The following TNNI3K variants were observed in gnomAD, a reference collection of about 807,000 sequenced individuals.
TNNI3K encodes the protein TNNI3 interacting kinase.
In TNNI3K, 140 loss-of-function variants were observed where a neutral mutation model predicts 114.5. The observed-to-expected ratio is 1.22, with a 90% CI of 1.07 to 1.41. The LOEUF (loss-of-function observed/expected upper bound fraction) is 1.41. Ranked by LOEUF, TNNI3K falls within the 40% of genes most tolerant of loss-of-function variation. The pLI is 0.00. For missense variants in TNNI3K, 1,125 were observed against 1,007.6 expected (o/e 1.12, Z -1.58); for synonymous variants, 347 against 347.5 (o/e 1.00, Z 0.02).
chr1:74,465,566 C>T (rs747102071), intron 21 of TNNI3K, among the ~76,000 whole-genome samples: 6 of 152,302 alleles, frequency 3.9e-5, no homozygotes, highest in Middle Eastern at 3.4e-3. Flanking sequence ...CTGCGTGGCC[C>T]GAGCCTCTCC....
chr1:74,440,529 G>A (rs1034746664), intron 20 of TNNI3K, among the ~76,000 whole-genome samples: 10 of 152,088 alleles, frequency 6.6e-5, no homozygotes, highest in Admixed American at 1.3e-4. Flanking sequence ...GAGTACTCAT[G>A]TACAGAGAGG....
chr1:74,532,813 G>T (rs1327939891), intron 23 of TNNI3K, among the ~76,000 whole-genome samples: 1 of 152,068 alleles, frequency 6.6e-6, no homozygotes, highest in Admixed American at 6.6e-5. Flanking sequence ...AAGCAATGGG[G>T]AAAGGATTCC....
chr1:74,246,011 T>C (rs1249512255), intron 2 of TNNI3K, among the ~76,000 whole-genome samples: 1 of 152,196 alleles, frequency 6.6e-6, no homozygotes, highest in Non-Finnish European at 1.5e-5. Context: ...GTTCAGAATT[T>C]CATGAAGATA....
rs60688934 is a variant in TNNI3K, at chr1:74,543,064, C to CTTTTTTTT, written c.2432-820_2432-813dup. Among the ~76,000 whole-genome samples, 14 of 6,748 alleles carry CTTTTTTTT rather than the reference C, an allele frequency of 2.1e-3. 6 individuals carry two copies. Among genetic ancestry groups the CTTTTTTTT allele is most frequent in the African/African-American group, 3.4e-3 (8 of 2,368 alleles). The allele number at this position is 6,748 out of a possible 152,430, so 4.4% of individuals were successfully genotyped here. A position where few individuals can be genotyped will look rare whatever the true frequency, so the allele number is the denominator to read the frequency against. ...CTTTTCCTTTTCTTTTTCTTTTTCC[C>CTTTTTTTT]TTTTTTTTTTTTTTTTTTTTTTTTT... On this transcript the variant is annotated intron_variant, in intron 24 of 24. Transcript: ENST00000326637.
intron 4 of TNNI3K, among the ~76,000 whole-genome samples, chr1:74,269,241 C>G (rs1198671793): frequency 6.6e-6 from 1 of 151,824 alleles, no homozygotes; most frequent in African/African-American, 2.4e-5. Flanking sequence ...TACTGTATAG[C>G]AATTTCTTAT....
intron 17 of TNNI3K, among the ~76,000 whole-genome samples, chr1:74,421,971 AT>A (rs1665419608): frequency 6.8e-6 from 1 of 147,818 alleles, no homozygotes; most frequent in Non-Finnish European, 1.5e-5. Context: ...TATTATTATT[AT>A]TATTATTATT....
At chr1:74,469,246 C>T (rs191921789) in intron 21 of TNNI3K, 25 of 152,618 alleles carry the variant, frequency 1.6e-4, no homozygotes, top group Non-Finnish European at 3.1e-4. Flanking sequence ...AGCCAACTAT[C>T]CCTGGAAATC....
intron 17 of TNNI3K, chr1:74,377,027 T>C (rs1662942927): frequency 1.3e-5 from 2 of 152,040 alleles, no homozygotes; most frequent in Admixed American, 1.3e-4. Flanking sequence ...GCTGATTACA[T>C]CAGAATCTCC....
intron 5 of TNNI3K, among the ~76,000 whole-genome samples, chr1:74,277,862 C>T (rs1656777905): frequency 2.6e-5 from 4 of 152,158 alleles, no homozygotes; most frequent in Admixed American, 6.6e-5. Flanking sequence ...TTATTCTATC[C>T]TACCATATCC....
At chr1:74,416,585 T>G in intron 17 of TNNI3K, 1 of 983,332 alleles carries the variant, frequency 1.0e-6, no homozygotes. Context: ...GCAACAAAAT[T>G]AATATGCTTC....
At chr1:74,274,661 T>A (rs1656561448) in intron 5 of TNNI3K, among the ~76,000 whole-genome samples, 1 of 151,934 alleles carries the variant, frequency 6.6e-6, no homozygotes, top group Non-Finnish European at 1.5e-5. Context: ...GTAGGATGGA[T>A]GAGAGTAGGT....
intron 2 of TNNI3K, among the ~76,000 whole-genome samples, chr1:74,241,961 T>G (rs1279597389): frequency 1.3e-5 from 2 of 151,668 alleles, no homozygotes; most frequent in Non-Finnish European, 2.9e-5. Context: ...GCCATTCTCC[T>G]GCCTCAGCCT....
At chr1:74,276,800 CT>C (rs927304252) in intron 5 of TNNI3K, among the ~76,000 whole-genome samples, 19 of 152,106 alleles carry the variant, frequency 1.2e-4, no homozygotes, top group African/African-American at 3.9e-4. Flanking sequence ...ATTAAACAAT[CT>C]TACAATAAAA....
At chr1:74,445,712 G>A (rs1273026830) in intron 20 of TNNI3K, among the ~76,000 whole-genome samples, 10 of 148,036 alleles carry the variant, frequency 6.8e-5, no homozygotes, top group African/African-American at 2.0e-4. Context: ...CCGGGTTCAT[G>A]CCATTCTCCT....
At chr1:74,486,452 T>C (rs1268458269) in intron 21 of TNNI3K, among the ~76,000 whole-genome samples, 1 of 151,944 alleles carries the variant, frequency 6.6e-6, no homozygotes, top group East Asian at 1.9e-4. Context: ...AAGAGTAAAG[T>C]ATGATAGAGT....
chr1:74,306,043 C>G (rs765309512), intron 5 of TNNI3K, among the ~76,000 whole-genome samples: 72 of 152,152 alleles, frequency 4.7e-4, no homozygotes, highest in Non-Finnish European at 9.7e-4. Flanking sequence ...ACCTCAGTGT[C>G]TATTTCCATC....
intron 23 of TNNI3K, among the ~76,000 whole-genome samples, chr1:74,534,528 G>A (rs1028634954): frequency 6.6e-6 from 1 of 152,062 alleles, no homozygotes; most frequent in East Asian, 1.9e-4. Flanking sequence ...GCTCTAAATG[G>A]GGCCATTTGG....
intron 5 of TNNI3K, among the ~76,000 whole-genome samples, chr1:74,303,575 G>C (rs1377916325): frequency 6.6e-6 from 1 of 152,164 alleles, no homozygotes; most frequent in Non-Finnish European, 1.5e-5. Context: ...TAAGAGCTCT[G>C]ATGGAGATGT....
At position 74,424,264 on chromosome 1, in the gene TNNI3K, T is replaced by TAA. The variant is rs373170497; in HGVS notation, c.1773-11814_1773-11813dup. On this transcript the variant is annotated intron_variant, in intron 17 of 24. Coordinates refer to ENST00000326637, the MANE Select transcript of TNNI3K (RefSeq NM_015978.3). ...CTCAAAGGCATTATGTGGTATGATA[T>TAA]AAAGCCTAAAAGATTCCACTGGATT... Among the ~76,000 whole-genome samples, 450 of 152,252 alleles carry TAA rather than the reference T, an allele frequency of 3.0e-3. 2 individuals are homozygous for TAA. Among genetic ancestry groups the TAA allele is most frequent in the African/African-American group, 0.01 (424 of 41,578 alleles).
Sources: gnomAD v4.1 joint callset for allele counts (sites outside exome capture counted in the v4.1 genomes callset) on GRCh38, gnomAD v4.1.1 for gene constraint, MANE v1.5 for transcripts, NCBI Gene and HGNC (gene_info 2026-07-23, HGNC 2026-07-21) for gene names.